PSAT1: variants seen among roughly 807,000 people sequenced by gnomAD.
The protein encoded by PSAT1 is phosphoserine aminotransferase.
In PSAT1, 41 loss-of-function variants were observed where a neutral mutation model predicts 40.3. That is an observed-to-expected ratio of 1.02 (90% CI 0.79 to 1.32). The LOEUF (loss-of-function observed/expected upper bound fraction) is 1.32, where lower values mean the gene tolerates loss of function less well. PSAT1 is among the 40% of genes most tolerant of loss of function. The probability of loss-of-function intolerance (pLI) is 0.00; values close to 1 mark genes in which losing one functional copy is unlikely to be tolerated. For missense variants in PSAT1, 406 were observed against 455.8 expected (o/e 0.89, Z 0.99); for synonymous variants, 147 against 170.5 (o/e 0.86, Z 1.07).
At chr9:78,302,922 C>T (rs1828129443) in intron 3 of PSAT1, among the ~76,000 whole-genome samples, 1 of 152,030 alleles carries the variant, frequency 6.6e-6, no homozygotes, top group Admixed American at 6.6e-5. Flanking sequence ...TCCAGAGAAT[C>T]CCTTATTCTT....
chr9:78,319,994 A>G, intron 7 of PSAT1, among the ~76,000 whole-genome samples: 1 of 151,562 alleles, frequency 6.6e-6, no homozygotes, highest in African/African-American at 2.4e-5. Context: ...TCACTCATTC[A>G]TTCATTCATC....
At chr9:78,310,078 C>T (rs1025977635) in intron 6 of PSAT1, among the ~76,000 whole-genome samples, 2 of 152,192 alleles carry the variant, frequency 1.3e-5, no homozygotes, top group African/African-American at 4.8e-5. Flanking sequence ...TGTGAGTTCT[C>T]AGAGCCTCAG....
chr9:78,306,375 A>C lies in PSAT1; in HGVS notation c.459A>C (p.Ala153=), dbSNP rs776549775. ...ATGCCTCCTACGTGTATTATTGCGC[A>C]AATGAGACGGTGCATGGTGTGGAGT... ...NPDASYVYYC[A]NETVHGVEFD... Residue 153 remains alanine (A), a synonymous_variant, in exon 5 of 9, where the codon GCA becomes GCC. Coordinates refer to ENST00000376588, the MANE Select transcript of PSAT1 (RefSeq NM_058179.4). 1.9e-6 allele frequency: 3 copies of C among 1,613,558 alleles called. No homozygotes were observed. In the South Asian group the frequency reaches 3.3e-5, roughly 18 times the overall value.
At chr9:78,324,895 A>G (rs1027222393) in intron 7 of PSAT1, among the ~76,000 whole-genome samples, 4 of 152,086 alleles carry the variant, frequency 2.6e-5, no homozygotes, top group African/African-American at 9.7e-5. Flanking sequence ...TTTGCCGCCC[A>G]TGCTTGAAGC....
chr9:78,323,306 G>C (rs932323785), intron 7 of PSAT1, among the ~76,000 whole-genome samples: 1 of 152,184 alleles, frequency 6.6e-6, no homozygotes, highest in African/African-American at 2.4e-5. Context: ...GACAGTGGCT[G>C]ATGCTTGTAA....
chr9:78,313,172 C>T (rs1338290569), intron 6 of PSAT1, among the ~76,000 whole-genome samples: 1 of 152,116 alleles, frequency 6.6e-6, no homozygotes, highest in Non-Finnish European at 1.5e-5. Context: ...TCGAGACCAG[C>T]CTGGCCAACA....
At chr9:78,328,268 G>A in intron 8 of PSAT1, 80 bp downstream of exon 8, 1 of 1,566,166 alleles carries the variant, frequency 6.4e-7, no homozygotes, top group Non-Finnish European at 8.8e-7. Flanking sequence ...ATCTATAGGA[G>A]CCTGCTTAGC....
At chr9:78,308,362 G>A in intron 5 of PSAT1, 52 bp from the exon 6 acceptor site, 1 of 1,584,160 alleles carries the variant, frequency 6.3e-7, no homozygotes. Flanking sequence ...TTGCATACAT[G>A]TATGAAAAAT....
chr9:78,305,421 T>TA (rs1266084296), intron 4 of PSAT1, among the ~76,000 whole-genome samples: 2 of 152,166 alleles, frequency 1.3e-5, no homozygotes, highest in Non-Finnish European at 2.9e-5. Flanking sequence ...GGCCTATGCA[T>TA]ACTCTTCTTG....
chr9:78,306,206 A>T, intron 4 of PSAT1, 108 bp from the exon 5 acceptor site: 2 of 1,175,838 alleles, frequency 1.7e-6, no homozygotes, highest in Non-Finnish European at 2.6e-6. Context: ...GGAGTCAGTT[A>T]GTCTTTCCCT....
chr9:78,297,151 A>C lies in PSAT1; in HGVS notation c.-60A>C, dbSNP rs1300408444. 2.6e-6 allele frequency: 4 copies of C among 1,527,474 alleles called. No homozygotes were observed. In the African/African-American group the frequency reaches 4.1e-5, roughly 16 times the overall value. 94.6% of individuals were successfully genotyped at this position (1,527,474 alleles called of 1,614,324 possible). A position where few individuals can be genotyped will look rare whatever the true frequency, so the allele number is the denominator to read the frequency against. ...CAGACTCTCACCGCAGCGGCCAGGA[A>C]CGCCAGCCGTTCACGCGTTCGGTCC... On this transcript the variant is annotated 5_prime_UTR_variant, in exon 1 of 9. Coordinates refer to ENST00000376588, the MANE Select transcript of PSAT1 (RefSeq NM_058179.4).
At position 78,322,136 on chromosome 9, in the gene PSAT1, G is replaced by T. The variant is rs1047135866; in HGVS notation, c.869+4332G>T. On this transcript the variant is annotated intron_variant, in intron 7 of 8. Transcript: ENST00000376588. ...TTATGTAATATAATTAATTATATAAGTATATAATATATATTAATTTTATTA... is the reference window on the plus strand; with the variant it reads ...TTATGTAATATAATTAATTATATAATTATATAATATATATTAATTTTATTA... 4.3e-4 allele frequency among the ~76,000 whole-genome samples: 64 copies of T among 148,930 alleles called. 1 individual carries two copies. Among genetic ancestry groups the T allele is most frequent in the Admixed American group, 2.8e-3 (42 of 14,836 alleles).
chr9:78,301,466 A>G (rs4877550), intron 2 of PSAT1, among the ~76,000 whole-genome samples: 53,208 of 151,974 alleles, frequency 0.35, 9,517 homozygotes, highest in Middle Eastern at 0.42. Context: ...ATTTTCTTTT[A>G]TTTTTGGCGG....
intron 1 of PSAT1, among the ~76,000 whole-genome samples, chr9:78,297,611 G>A (rs1280940359): frequency 6.6e-6 from 1 of 152,224 alleles, no homozygotes; most frequent in African/African-American, 2.4e-5. Flanking sequence ...CCGGTCCGGG[G>A]GCTGGGGCGG....
rs371698702 is a variant in PSAT1, at chr9:78,310,809, T to C, written c.740+2226T>C. On this transcript the variant is annotated intron_variant, in intron 6 of 8. Coordinates refer to ENST00000376588, the MANE Select transcript of PSAT1 (RefSeq NM_058179.4). ...TTTTAGTAGAGACGGGGTTCCACCA[T>C]GTTGGCCAGGCTGCTCTCAAACTCC... is the stretch of plus-strand genomic sequence containing the variant. Among the ~76,000 whole-genome samples the C allele has an allele frequency of 1.2e-4, 18 of 152,252 alleles. No homozygotes were observed. In the East Asian group the frequency reaches 2.5e-3, roughly 21 times the overall value.
rs1275903305 is a variant in PSAT1, at chr9:78,321,216, C to T, written c.869+3412C>T. Among the ~76,000 whole-genome samples, 3 of 152,078 alleles carry T rather than the reference C, an allele frequency of 2.0e-5. No homozygotes were observed. The South Asian group carries it at 6.2e-4, about 32-fold the overall frequency. Reference sequence around the variant, plus strand: ...ACTTCCAGTCCTTTTAAGAATAAACCTCTTTCTAGGAACTCCCACCACCCC... The same window carrying T: ...ACTTCCAGTCCTTTTAAGAATAAACTTCTTTCTAGGAACTCCCACCACCCC... On this transcript the variant is annotated intron_variant, in intron 7 of 8. Transcript: ENST00000376588.
chr9:78,306,095 A>G (rs1476498647), intron 4 of PSAT1, among the ~76,000 whole-genome samples: 1 of 152,174 alleles, frequency 6.6e-6, no homozygotes, highest in East Asian at 1.9e-4. Flanking sequence ...ATTTGTTCCC[A>G]GTAAAAGTCG....
intron 7 of PSAT1, among the ~76,000 whole-genome samples, chr9:78,323,338 A>G (rs912292839): frequency 1.8e-4 from 28 of 152,174 alleles, no homozygotes; most frequent in Admixed American, 3.9e-4. Flanking sequence ...TGGGAGGCCA[A>G]GGTGGGAGAA....
rs144973524 is a variant in PSAT1 at position 78,324,428 on chromosome 9, C to G, written c.870-3623C>G. On this transcript the variant is annotated intron_variant, in intron 7 of 8. Coordinates refer to ENST00000376588, the MANE Select transcript of PSAT1 (RefSeq NM_058179.4). ...ATCTTTGCAGCCCTGGGATTTCCAG[C>G]TGGTTCCATGCCCATCCATAGCCCA... Among the ~76,000 whole-genome samples, 858 of 152,250 alleles carry G rather than the reference C, an allele frequency of 5.6e-3. 16 individuals are homozygous for G. Among genetic ancestry groups the G allele is most frequent in the African/African-American group, 0.019 (798 of 41,558 alleles).
Sources: gnomAD v4.1 joint callset for allele counts (sites outside exome capture counted in the v4.1 genomes callset) on GRCh38, gnomAD v4.1.1 for gene constraint, MANE v1.5 for transcripts, NCBI Gene and HGNC (gene_info 2026-07-23, HGNC 2026-07-21) for gene names.